DOCK8: variants seen among roughly 807,000 people sequenced by gnomAD.
DOCK8 encodes dedicator of cytokinesis 8.
Under a neutral mutation model 245.6 loss-of-function variants are expected in DOCK8, and 141 were observed. The observed-to-expected ratio is 0.57, with a 90% CI of 0.50 to 0.66. The LOEUF (loss-of-function observed/expected upper bound fraction) is 0.66. DOCK8 is among the 30% of genes least tolerant of loss of function. The pLI is 0.00. For synonymous variants in DOCK8, 1,168 were observed against 970.2 expected, an observed-to-expected ratio of 1.20 and a Z score of -3.79; for missense variants, 2,965 against 2,603.4, an observed-to-expected ratio of 1.14 and a Z score of -3.02.
At chr9:244,155 T>G (rs1205757925) in intron 1 of DOCK8, among the ~76,000 whole-genome samples, 2 of 135,252 alleles carry the variant, frequency 1.5e-5, no homozygotes, top group Admixed American at 8.4e-5. Flanking sequence ...GCCACTGCAC[T>G]CCAGCCTGGG....
chr9:253,023 C>A (rs905438938), intron 1 of DOCK8, among the ~76,000 whole-genome samples: 6 of 152,114 alleles, frequency 3.9e-5, no homozygotes, highest in African/African-American at 1.4e-4. Flanking sequence ...GGAAACTAGC[C>A]TTGAACACCT....
chr9:446,298 C>A, intron 43 of DOCK8, 72 bp from the exon 44 acceptor site: 1 of 1,268,648 alleles, frequency 7.9e-7, no homozygotes, highest in Non-Finnish European at 1.2e-6. Flanking sequence ...TTCCTGCATG[C>A]CCCTCCATTG....
At chr9:216,327 G>T (rs2046750045) in intron 1 of DOCK8, among the ~76,000 whole-genome samples, 2 of 152,108 alleles carry the variant, frequency 1.3e-5, no homozygotes, top group Admixed American at 1.3e-4. Flanking sequence ...CCCAGAGTTT[G>T]AGACCAGCCT....
chr9:340,042 T>C, intron 13 of DOCK8, 117 bp from the exon 14 acceptor site: 1 of 1,214,460 alleles, frequency 8.2e-7, no homozygotes, highest in Non-Finnish European at 1.2e-6. Flanking sequence ...CAAAACTTTT[T>C]TACAGTACTA....
At chr9:346,517 C>T (rs113620568) in intron 14 of DOCK8, among the ~76,000 whole-genome samples, 155 of 152,338 alleles carry the variant, frequency 1.0e-3, no homozygotes, top group Non-Finnish European at 1.8e-3. Context: ...ACATAAAGTA[C>T]GTTTTCATCT....
At chr9:323,582 C>A (rs761763619) in intron 7 of DOCK8, among the ~76,000 whole-genome samples, 1 of 152,174 alleles carries the variant, frequency 6.6e-6, no homozygotes, top group Admixed American at 6.5e-5. Flanking sequence ...TCACATTGTT[C>A]TGCAACCATC....
chr9:358,676 CT>C (rs57062218), intron 14 of DOCK8, among the ~76,000 whole-genome samples: 120,221 of 150,802 alleles, frequency 0.8, 48,867 homozygotes, highest in South Asian at 0.9. Context: ...TGGTGAAACC[CT>C]GTCTCTACTA....
At position 396,649 on chromosome 9, in the gene DOCK8, C is replaced by T. The variant is rs549518112; in HGVS notation, c.2971-136C>T. On this transcript the variant is annotated intron_variant, in intron 24 of 47. Transcript: ENST00000432829. Reference sequence around the variant, plus strand: ...GCAGCATTTTAGTCCAGAGCTTGCTCGGGCACCACCAGCACAGATAAAGTG... The same window carrying T: ...GCAGCATTTTAGTCCAGAGCTTGCTTGGGCACCACCAGCACAGATAAAGTG... 1.1e-4 allele frequency: 138 copies of T among 1,223,546 alleles called. No individual in the cohort carries two copies. In the East Asian group the frequency reaches 3.0e-3, roughly 26 times the overall value. 75.8% of individuals were successfully genotyped at this position (1,223,546 alleles called of 1,614,324 possible). A position where few individuals can be genotyped will look rare whatever the true frequency, so the allele number is the denominator to read the frequency against.
chr9:332,370 C>T (rs773505252), intron 9 of DOCK8, 28 bp from the exon 10 acceptor site: 1 of 1,514,032 alleles, frequency 6.6e-7, no homozygotes, highest in African/African-American at 1.4e-5. Flanking sequence ...ATTTATGTGC[C>T]TTATTTTAAT....
At chr9:229,981 G>C (rs2047072122) in intron 1 of DOCK8, among the ~76,000 whole-genome samples, 1 of 151,224 alleles carries the variant, frequency 6.6e-6, no homozygotes, top group African/African-American at 2.4e-5. Context: ...GTGTACATGT[G>C]CCATGTTGGT....
intron 30 of DOCK8, among the ~76,000 whole-genome samples, chr9:419,077 T>C (rs1294265901): frequency 6.6e-6 from 1 of 152,220 alleles, no homozygotes; most frequent in Non-Finnish European, 1.5e-5. Context: ...GATTCATCTC[T>C]GTTCATTGAT....
chr9:429,569 T>C, intron 35 of DOCK8, 133 bp from the exon 36 acceptor site: 1 of 1,050,620 alleles, frequency 9.5e-7, no homozygotes, highest in South Asian at 1.4e-5. Flanking sequence ...ACATAGCTCA[T>C]TATCTTTATG....
intron 32 of DOCK8, 149 bp from the exon 33 acceptor site, chr9:421,899 G>A (rs535220809): frequency 5.3e-5 from 38 of 721,804 alleles, no homozygotes; most frequent in Middle Eastern, 4.7e-4. Flanking sequence ...TAGGTGTGGC[G>A]ACTTTGTCTC....
At chr9:415,817 A>G (rs1271881151) in intron 29 of DOCK8, among the ~76,000 whole-genome samples, 4 of 152,172 alleles carry the variant, frequency 2.6e-5, no homozygotes, top group South Asian at 2.1e-4. Flanking sequence ...GATCTGGGCA[A>G]TGCTTCCCTG....
At chr9:223,818 C>G (rs1018993514) in intron 1 of DOCK8, among the ~76,000 whole-genome samples, 4 of 151,798 alleles carry the variant, frequency 2.6e-5, no homozygotes, top group African/African-American at 7.3e-5. Flanking sequence ...TGTGAAGTCC[C>G]TGTTATTCTG....
At chr9:428,322 A>C (rs369174604) in intron 34 of DOCK8, 40 bp from the exon 35 acceptor site, 1 of 1,613,534 alleles carries the variant, frequency 6.2e-7, no homozygotes, top group Non-Finnish European at 8.5e-7. Flanking sequence ...TCATTGGCAC[A>C]GTGCAGGGAT....
chr9:330,227 C>A (rs191798219), intron 9 of DOCK8, among the ~76,000 whole-genome samples: 106 of 152,036 alleles, frequency 7.0e-4, no homozygotes, highest in Middle Eastern at 6.8e-3. Flanking sequence ...ATTTGTTTTA[C>A]AATCAAGGAA....
At chr9:372,372 GC>G in intron 18 of DOCK8, 86 bp downstream of exon 18, 1 of 1,064,866 alleles carries the variant, frequency 9.4e-7, no homozygotes, top group Non-Finnish European at 1.5e-6. Context: ...TTCCCATGTG[GC>G]CATGGATGTT....
intron 10 of DOCK8, among the ~76,000 whole-genome samples, chr9:333,757 A>T (rs963022409): frequency 6.6e-6 from 1 of 152,036 alleles, no homozygotes; most frequent in Non-Finnish European, 1.5e-5. Flanking sequence ...CCTTGGAAGT[A>T]TTGTAAACTT....
Sources: allele counts gnomAD v4.1 joint callset (sites outside exome capture counted in the v4.1 genomes callset), GRCh38; gene constraint gnomAD v4.1.1; transcripts MANE v1.5; gene names NCBI Gene and HGNC (gene_info 2026-07-23, HGNC 2026-07-21).